Variants in NDFIP2 observed in about 807,000 individuals in gnomAD.
NDFIP2 encodes Nedd4 family interacting protein 2, also known as NEDD4 family-interacting protein 2.
NDFIP2 carries 19 observed loss-of-function variants against 36.0 expected under a neutral mutation model. That is an observed-to-expected ratio of 0.53 (90% CI 0.37 to 0.77). The LOEUF (loss-of-function observed/expected upper bound fraction) is 0.77, where lower values mean the gene tolerates loss of function less well. NDFIP2 is among the 30% of genes least tolerant of loss of function. The probability of loss-of-function intolerance (pLI) is 0.00; values close to 1 mark genes in which losing one functional copy is unlikely to be tolerated. For synonymous variants in NDFIP2, 181 were observed against 167.7 expected (o/e 1.08, Z -0.61); for missense variants, 446 against 435.8 (o/e 1.02, Z -0.21).
At chr13:79,500,950 G>A (rs1471857679) in intron 1 of NDFIP2, among the ~76,000 whole-genome samples, 3 of 152,002 alleles carry the variant, frequency 2.0e-5, no homozygotes, top group Non-Finnish European at 4.4e-5. Context: ...TGGATAAACC[G>A]TGAGACATAC....
intron 2 of NDFIP2, among the ~76,000 whole-genome samples, chr13:79,525,077 T>A (rs1424191282): frequency 6.6e-6 from 1 of 152,192 alleles, no homozygotes; most frequent in South Asian, 2.1e-4. Context: ...CCAGTAATTT[T>A]ATATTTTTTA....
intron 3 of NDFIP2, among the ~76,000 whole-genome samples, chr13:79,534,350 G>GTTTT (rs532659161): frequency 0.01 from 980 of 95,138 alleles, 1 homozygote; most frequent in Non-Finnish European, 0.012. Context: ...TTTGTCAGCT[G>GTTTT]TTTTTTTTTT....
intron 1 of NDFIP2, among the ~76,000 whole-genome samples, chr13:79,488,061 C>T (rs928543448): frequency 6.6e-6 from 1 of 152,118 alleles, no homozygotes; most frequent in Non-Finnish European, 1.5e-5. Context: ...TTCTAGACTA[C>T]TGCTTTTTCT....
chr13:79,539,020 C>T (rs890516276), intron 3 of NDFIP2, among the ~76,000 whole-genome samples: 3 of 152,256 alleles, frequency 2.0e-5, no homozygotes, highest in South Asian at 4.1e-4. Context: ...CATCGAATGC[C>T]GGCAGCTTTT....
chr13:79,547,339 A>G lies in NDFIP2; in HGVS notation c.841-989A>G, dbSNP rs776614300. Among the ~76,000 whole-genome samples the G allele has an allele frequency of 3.3e-5, 5 of 152,296 alleles. No homozygotes were observed. In the East Asian group the frequency reaches 9.6e-4, roughly 29 times the overall value. Reference sequence around the variant, plus strand: ...TACAAATACTTTTAGTTAGTATTAGATTTGAGAGCAAGTCTGCATTTAGTG... The same window carrying G: ...TACAAATACTTTTAGTTAGTATTAGGTTTGAGAGCAAGTCTGCATTTAGTG... On this transcript the variant is annotated intron_variant, in intron 5 of 7. Transcript: ENST00000218652.
chr13:79,504,877 C>A (rs1025397144), intron 1 of NDFIP2, among the ~76,000 whole-genome samples: 1 of 152,084 alleles, frequency 6.6e-6, no homozygotes, highest in African/African-American at 2.4e-5. Flanking sequence ...TCATTTATAT[C>A]AGTATGAATT....
chr13:79,531,098 G>C (rs1377117137), intron 2 of NDFIP2, among the ~76,000 whole-genome samples: 2 of 152,178 alleles, frequency 1.3e-5, no homozygotes, highest in African/African-American at 2.4e-5. Context: ...AATGGATGTT[G>C]TCTTAGTAGG....
rs77798194 is a variant in NDFIP2 at position 79,509,179 on chromosome 13, G to A, written c.322-11631G>A. 0.014 allele frequency among the ~76,000 whole-genome samples: 2,056 copies of A among 152,212 alleles called. 137 individuals carry two copies. In the East Asian group the frequency reaches 0.21, roughly 16 times the overall value. ...GGTCCTGACAACATGTGCTCAGGGT[G>A]GTTGGCCTACAACTTGCTTGTATAC... On this transcript the variant is annotated intron_variant, in intron 1 of 7. Coordinates refer to ENST00000218652, the MANE Select transcript of NDFIP2 (RefSeq NM_019080.3).
In NDFIP2 at chr13:79,487,274, C is replaced by T. The variant is rs182671335; in HGVS notation, c.321+5750C>T. Reference sequence around the variant, plus strand: ...TAGTTTTGCCTATTCTAGAATCATACAGCATGTAGTCTACAAAGCTTCTTT... The same window carrying T: ...TAGTTTTGCCTATTCTAGAATCATATAGCATGTAGTCTACAAAGCTTCTTT... On this transcript the variant is annotated intron_variant, in intron 1 of 7. Coordinates refer to ENST00000218652, the MANE Select transcript of NDFIP2 (RefSeq NM_019080.3). Among the ~76,000 whole-genome samples the T allele has an allele frequency of 9.9e-5, 15 of 152,260 alleles. No homozygotes were observed. In the East Asian group the frequency reaches 2.9e-3, roughly 29 times the overall value.
intron 1 of NDFIP2, among the ~76,000 whole-genome samples, chr13:79,489,765 A>G (rs1173238703): frequency 4.6e-5 from 7 of 152,236 alleles, no homozygotes; most frequent in Non-Finnish European, 2.9e-5. Flanking sequence ...TGGCTGCAGC[A>G]AAGTTAAGGG....
chr13:79,528,937 A>C (rs755137568), intron 2 of NDFIP2, among the ~76,000 whole-genome samples: 1 of 152,192 alleles, frequency 6.6e-6, no homozygotes, highest in Non-Finnish European at 1.5e-5. Context: ...GAGCTCTGCT[A>C]GATTTTGCAG....
chr13:79,530,872 C>T (rs7990729), intron 2 of NDFIP2, among the ~76,000 whole-genome samples: 14,393 of 152,222 alleles, frequency 0.095, 909 homozygotes, highest in Middle Eastern at 0.26. Flanking sequence ...AATCAACTTC[C>T]AACTCCTGTT....
chr13:79,514,326 T>C (rs1419248455), intron 1 of NDFIP2, among the ~76,000 whole-genome samples: 1 of 152,200 alleles, frequency 6.6e-6, no homozygotes, highest in East Asian at 1.9e-4. Context: ...ATATTTTCTT[T>C]AAATTTTAAC....
At position 79,507,280 on chromosome 13, in the gene NDFIP2, T is replaced by G. The variant is rs1392274350; in HGVS notation, c.322-13530T>G. Among the ~76,000 whole-genome samples, 307 of 50,498 alleles carry G rather than the reference T, an allele frequency of 6.1e-3. 4 individuals carry two copies. The highest frequency in any genetic ancestry group is 8.9e-3 in the African/African-American group (41 of 4,618). The allele number at this position is 50,498 out of a possible 152,430, so 33.1% of individuals were successfully genotyped here. A position where few individuals can be genotyped will look rare whatever the true frequency, so the allele number is the denominator to read the frequency against. On this transcript the variant is annotated intron_variant, in intron 1 of 7. Transcript: ENST00000218652. Reference sequence around the variant, plus strand: ...TGTTCTGATTGAGTTTTTTTTTTTTTTTTTTTTTTTTGAGACGGAGTCTCG... The same window carrying G: ...TGTTCTGATTGAGTTTTTTTTTTTTGTTTTTTTTTTTGAGACGGAGTCTCG...
At chr13:79,536,037 G>C (rs1240048421) in intron 3 of NDFIP2, among the ~76,000 whole-genome samples, 1 of 151,300 alleles carries the variant, frequency 6.6e-6, no homozygotes, top group Non-Finnish European at 1.5e-5. Context: ...AATATAGATA[G>C]TCAAGAGACT....
rs1164140215 is a variant in NDFIP2, at chr13:79,554,504, A to C, written c.*1991A>C. On this transcript the variant is annotated 3_prime_UTR_variant, in exon 8 of 8. Coordinates refer to ENST00000218652, the MANE Select transcript of NDFIP2 (RefSeq NM_019080.3). Reference sequence around the variant, plus strand: ...TATGGATACATGTTACTTTTGATCCAGCATCAAAACTTCACTTTTTGTTTT... The same window carrying C: ...TATGGATACATGTTACTTTTGATCCCGCATCAAAACTTCACTTTTTGTTTT... 6.6e-6 allele frequency: 1 copy of C among 151,872 alleles called. No individual in the cohort carries two copies. The highest frequency in any genetic ancestry group is 2.4e-5 in the African/African-American group (1 of 41,446). 9.4% of individuals were successfully genotyped at this position (151,872 alleles called of 1,614,324 possible).
intron 1 of NDFIP2, among the ~76,000 whole-genome samples, chr13:79,495,191 A>G (rs761522163): frequency 6.6e-6 from 1 of 151,954 alleles, no homozygotes; most frequent in Non-Finnish European, 1.5e-5. Context: ...AAAATAATGT[A>G]TATTCTTCAG....
At chr13:79,483,486 G>A (rs1302072624) in intron 1 of NDFIP2, among the ~76,000 whole-genome samples, 1 of 152,084 alleles carries the variant, frequency 6.6e-6, no homozygotes, top group Non-Finnish European at 1.5e-5. Context: ...CTATTTTGTG[G>A]TTGCCTTTAG....
intron 2 of NDFIP2, among the ~76,000 whole-genome samples, chr13:79,532,081 A>G (rs532905176): frequency 3.3e-5 from 5 of 152,230 alleles, no homozygotes; most frequent in Non-Finnish European, 7.3e-5. Flanking sequence ...TGGTGCCCCA[A>G]AACAATTACA....
Sources: gnomAD v4.1 joint callset for allele counts (sites outside exome capture counted in the v4.1 genomes callset) on GRCh38, gnomAD v4.1.1 for gene constraint, MANE v1.5 for transcripts, NCBI Gene and HGNC (gene_info 2026-07-23, HGNC 2026-07-21) for gene names.